The following CLEC4C variants were observed in gnomAD, a reference collection of about 807,000 sequenced individuals.
The protein encoded by CLEC4C is C-type (calcium dependent, carbohydrate-recognition domain) lectin, superfamily member 11.
Under a neutral mutation model 27.7 loss-of-function variants are expected in CLEC4C, and 17 were observed. The ratio of observed to expected loss-of-function variants is 0.61; its 90% CI spans 0.42 to 0.92. CLEC4C has a LOEUF of 0.92. Ranked by LOEUF, CLEC4C falls within the 40% of genes least tolerant of loss-of-function variation. CLEC4C has a pLI of 0.00. For missense variants in CLEC4C, 244 were observed against 257.3 expected (o/e 0.95, Z 0.35); for synonymous variants, 80 against 80.8 (o/e 0.99, Z 0.06).
intron 5 of CLEC4C, 54 bp from the exon 6 acceptor site, chr12:7,729,794 TAG>T (rs1864551561): frequency 1.3e-6 from 2 of 1,559,406 alleles, no homozygotes; most frequent in Admixed American, 1.7e-5. Context: ...TGGAAAAGGT[TAG>T]AGACTGGGAG....
Position 7,729,551 on chromosome 12 carries a change from A to G in CLEC4C, c.*45T>C, listed in dbSNP as rs1565458100. On this transcript the variant is annotated 3_prime_UTR_variant, in exon 6 of 6. Transcript: ENST00000360345. Reference sequence around the variant, plus strand: ...TAAAAAATCAATTTAGCTTTCTACAACGGTGGATGCCAACCCAAACACATT... The same window carrying G: ...TAAAAAATCAATTTAGCTTTCTACAGCGGTGGATGCCAACCCAAACACATT... 3.2e-6 allele frequency: 5 copies of G among 1,581,890 alleles called. No individual in the cohort carries two copies. Among genetic ancestry groups the G allele is most frequent in the African/African-American group, 1.4e-5 (1 of 74,022 alleles).
At chr12:7,745,364 C>T (rs767046748) in intron 2 of CLEC4C, among the ~76,000 whole-genome samples, 12 of 149,940 alleles carry the variant, frequency 8.0e-5, no homozygotes, top group African/African-American at 2.9e-4. Flanking sequence ...TCATGTCAGA[C>T]TTCCAGCCTC....
chr12:7,747,536 CA>C (rs1865011509), upstream of CLEC4C: 1 of 420,276 alleles, frequency 2.4e-6, no homozygotes, highest in Non-Finnish European at 4.4e-6. Context: ...CTAAAGCTTT[CA>C]ATTTAAAACA....
chr12:7,735,725 C>T (rs932886259), intron 4 of CLEC4C, among the ~76,000 whole-genome samples: 117 of 151,014 alleles, frequency 7.7e-4, no homozygotes, highest in Non-Finnish European at 1.5e-3. Flanking sequence ...ATCGCTTGAA[C>T]GCAGGAGGTG....
chr12:7,747,214 C>T, intron 1 of CLEC4C, 104 bp downstream of exon 1: 1 of 942,458 alleles, frequency 1.1e-6, no homozygotes, highest in Non-Finnish European at 1.7e-6. Flanking sequence ...TTATGAAAAG[C>T]TGTCTACTTC....
At chr12:7,743,968 C>T (rs7304977) in intron 2 of CLEC4C, among the ~76,000 whole-genome samples, 9 of 151,934 alleles carry the variant, frequency 5.9e-5, no homozygotes, top group South Asian at 2.1e-4. Context: ...GAAGGCAAAG[C>T]GGGAGCTGGC....
intron 1 of CLEC4C, 78 bp from the exon 2 acceptor site, chr12:7,746,501 T>C: frequency 3.5e-6 from 3 of 864,682 alleles, no homozygotes; most frequent in South Asian, 1.5e-5. Context: ...CCAAAAATCT[T>C]AGAATAATAA....
intron 3 of CLEC4C, among the ~76,000 whole-genome samples, chr12:7,739,572 A>G (rs1474069726): frequency 6.6e-6 from 1 of 152,122 alleles, no homozygotes; most frequent in African/African-American, 2.4e-5. Flanking sequence ...CCGACCAATT[A>G]TCCCTGAGGA....
chr12:7,745,453 G>A lies in CLEC4C; in HGVS notation c.124+878C>T, dbSNP rs1487618207. Reference sequence around the variant, plus strand: ...TTTTTTTTTTTTTTTTTTTTTTTGAGACAGAGTCTCACTCTGTCACCCAGG... The same window carrying A: ...TTTTTTTTTTTTTTTTTTTTTTTGAAACAGAGTCTCACTCTGTCACCCAGG... On this transcript the variant is annotated intron_variant, in intron 2 of 5. Transcript: ENST00000360345. Among the ~76,000 whole-genome samples, 5 of 16,476 alleles carry A rather than the reference G, an allele frequency of 3.0e-4. 1 individual carries two copies. Among genetic ancestry groups the A allele is most frequent in the African/African-American group, 8.4e-4 (4 of 4,740 alleles). The allele number at this position is 16,476 out of a possible 152,430, so 10.8% of individuals were successfully genotyped here. A position where few individuals can be genotyped will look rare whatever the true frequency, so the allele number is the denominator to read the frequency against.
intron 4 of CLEC4C, among the ~76,000 whole-genome samples, chr12:7,734,688 A>T (rs1298746008): frequency 5.9e-5 from 9 of 151,658 alleles, no homozygotes; most frequent in Non-Finnish European, 1.3e-4. Flanking sequence ...AACTGTGATT[A>T]CAGGCATGTG....
intron 2 of CLEC4C, among the ~76,000 whole-genome samples, chr12:7,745,825 G>C (rs1193849162): frequency 6.6e-6 from 1 of 151,986 alleles, no homozygotes; most frequent in Non-Finnish European, 1.5e-5. Context: ...AAAGAAACCT[G>C]GAAGTACACA....
intron 2 of CLEC4C, among the ~76,000 whole-genome samples, chr12:7,744,021 G>C (rs1864919313): frequency 6.6e-6 from 1 of 152,108 alleles, no homozygotes; most frequent in Non-Finnish European, 1.5e-5. Context: ...GTGAGGGGGA[G>C]GGGCTGATCT....
At chr12:7,740,164 G>T (rs1416848004) in intron 3 of CLEC4C, among the ~76,000 whole-genome samples, 1 of 151,430 alleles carries the variant, frequency 6.6e-6, no homozygotes, top group Non-Finnish European at 1.5e-5. Context: ...ATTTTGTAGA[G>T]TTGAGGTCCC....
At chr12:7,742,371 G>A (rs971179364) in intron 2 of CLEC4C, among the ~76,000 whole-genome samples, 1 of 151,056 alleles carries the variant, frequency 6.6e-6, no homozygotes, top group African/African-American at 2.4e-5. Context: ...AAATTAGGTG[G>A]GCATGGTGGC....
In CLEC4C at chr12:7,729,579, C is replaced by T. The variant is rs1262584412; in HGVS notation, c.*17G>A. ...GTGGATGCCAACCCAAACACATTTC[C>T]AGGGAGAATATTTCATTTATATGTA... On this transcript the variant is annotated 3_prime_UTR_variant, in exon 6 of 6. Coordinates refer to ENST00000360345, the MANE Select transcript of CLEC4C (RefSeq NM_001371390.1). 3 of 1,609,994 alleles carry T rather than the reference C, an allele frequency of 1.9e-6. No homozygotes were observed. The highest frequency in any genetic ancestry group is 2.7e-5 in the African/African-American group (2 of 74,840).
At chr12:7,739,846 A>AT (rs56683824) in intron 3 of CLEC4C, among the ~76,000 whole-genome samples, 46,432 of 140,894 alleles carry the variant, frequency 0.33, 7,720 homozygotes, top group South Asian at 0.36. Flanking sequence ...TAGCTCGGTA[A>AT]TTTTTTTTTT....
chr12:7,736,927 A>T (rs2120391750), intron 4 of CLEC4C, among the ~76,000 whole-genome samples: 1 of 151,766 alleles, frequency 6.6e-6, no homozygotes, highest in African/African-American at 2.4e-5. Context: ...AATAAATAAA[A>T]ATAAAAAATA....
intron 5 of CLEC4C, 157 bp downstream of exon 5, chr12:7,730,640 A>T (rs983629129): frequency 1.1e-4 from 11 of 104,028 alleles, no homozygotes; most frequent in East Asian, 9.9e-4. Context: ...ACTCTTGTCT[A>T]AAAAAAAAAA....
chr12:7,744,683 T>C (rs1864933367), intron 2 of CLEC4C, among the ~76,000 whole-genome samples: 1 of 152,190 alleles, frequency 6.6e-6, no homozygotes, highest in African/African-American at 2.4e-5. Context: ...GGTACGATTA[T>C]GGCTCACTGC....
Sources: gnomAD v4.1 joint callset for allele counts (sites outside exome capture counted in the v4.1 genomes callset) on GRCh38, gnomAD v4.1.1 for gene constraint, MANE v1.5 for transcripts, NCBI Gene and HGNC (gene_info 2026-07-23, HGNC 2026-07-21) for gene names.